ATP13A1: variants seen among roughly 807,000 people sequenced by gnomAD.
ATP13A1 encodes the protein ATPase 13A1.
A neutral mutation model predicts 134.8 loss-of-function variants in ATP13A1; 55 were observed. That is an observed-to-expected ratio of 0.41 (90% CI 0.33 to 0.51). ATP13A1 has a LOEUF of 0.51. Among genes scored for constraint, ATP13A1 ranks in the 20% least tolerant of loss-of-function variants. The pLI, the probability that ATP13A1 is intolerant of heterozygous loss-of-function variation, is 0.29. For missense variants in ATP13A1, 1,389 were observed against 1,652.8 expected (o/e 0.84, Z 2.77); for synonymous variants, 775 against 725.1 (o/e 1.07, Z -1.10).
Position 19,663,354 on chromosome 19 carries a change from C to T in ATP13A1, c.313G>A (p.Ala105Thr). 6.3e-7 allele frequency: 1 copy of T among 1,592,118 alleles called. No homozygotes were observed. Among genetic ancestry groups the T allele is most frequent in the Non-Finnish European group, 8.5e-7 (1 of 1,170,602 alleles). Residue 105 changes from alanine to threonine, a missense_variant, in exon 1 of 26, where the codon GCC becomes ACC. Transcript: ENST00000357324. ...AGCGCGTGCGCGAGGCAGATGGTGG[C>T]AAGCACGAGCAGCGCAGCTTCGGGG... ...QIPEAALLVL[A>T]TICLAHALTV...
chr19:19,661,112 A>C (rs1313704575), intron 1 of ATP13A1, among the ~76,000 whole-genome samples: 7 of 151,662 alleles, frequency 4.6e-5, no homozygotes, highest in Non-Finnish European at 7.4e-5. Context: ...AAAAAACCCC[A>C]AAAAACAAAA....
intron 17 of ATP13A1, chr19:19,651,438 G>A (rs1281470411): frequency 2.6e-6 from 1 of 387,472 alleles, no homozygotes; most frequent in Non-Finnish European, 4.7e-6. Flanking sequence ...CAGGAAACCC[G>A]AGCTGGCAGT....
At position 19,655,667 on chromosome 19, in the gene ATP13A1, A is replaced by C. The variant is rs1369370775; in HGVS notation, c.1270-13T>G. 1.2e-6 allele frequency: 2 copies of C among 1,610,738 alleles called. No individual in the cohort carries two copies. The highest frequency in any genetic ancestry group is 1.7e-6 in the Non-Finnish European group (2 of 1,178,590). On this transcript the variant is annotated splice_polypyrimidine_tract_variant and intron_variant, in intron 9 of 25. Transcript: ENST00000357324. The surrounding 1 kb of genome is among the most constrained non-coding windows in gnomAD (Gnocchi z 5.7). ...GCAGCAGCTTGCCCTGGAGGAATGG[A>C]GGAACAGCCTTTCTGCTGTCTGGAC... is the stretch of plus-strand genomic sequence containing the variant.
At chr19:19,654,990 G>A in intron 12 of ATP13A1, 129 bp downstream of exon 12, 2 of 1,417,522 alleles carry the variant, frequency 1.4e-6, no homozygotes, top group Non-Finnish European at 1.9e-6. Flanking sequence ...GGAGCCCCTG[G>A]AAATGAACCC....
At chr19:19,659,305 A>G (rs1599437713) in intron 3 of ATP13A1, among the ~76,000 whole-genome samples, 1 of 151,932 alleles carries the variant, frequency 6.6e-6, no homozygotes, top group Admixed American at 6.6e-5. Flanking sequence ...AAAATACAAA[A>G]ATTAGCCAGG....
intron 22 of ATP13A1, chr19:19,646,661 T>C: frequency 2.4e-6 from 1 of 420,486 alleles, no homozygotes; most frequent in South Asian, 3.0e-5. Context: ...CCAGCCAATC[T>C]CCCACCCCCT....
chr19:19,654,354 A>G (rs1284158655), intron 13 of ATP13A1, among the ~76,000 whole-genome samples, 189 bp downstream of exon 13: 1 of 152,146 alleles, frequency 6.6e-6, no homozygotes, highest in African/African-American at 2.4e-5. Flanking sequence ...GGCAGATTCC[A>G]ACCCAGAGGG....
Position 19,649,119 on chromosome 19 carries a change from C to CA in ATP13A1, c.2632+447dup, listed in dbSNP as rs971536923. ...CCTGGGTGACAGAGCAAGGCTCCGT[C>CA]AAAAAAAAAAAAGACAGGGTCTTGC... On this transcript the variant is annotated intron_variant, in intron 19 of 25. Transcript: ENST00000357324. 1.6e-3 allele frequency among the ~76,000 whole-genome samples: 224 copies of CA among 136,992 alleles called. 2 individuals carry two copies. The highest frequency in any genetic ancestry group is 5.3e-3 in the East Asian group (24 of 4,496). The allele number at this position is 136,992 out of a possible 152,430, so 89.9% of individuals were successfully genotyped here.
intron 22 of ATP13A1, chr19:19,646,730 T>C (rs2144895812): frequency 2.6e-6 from 1 of 377,490 alleles, no homozygotes; most frequent in Non-Finnish European, 4.9e-6. Context: ...TGTGTCCAGT[T>C]CCTGGCCGCT....
rs1259437151 is a variant in ATP13A1, at chr19:19,657,277, T to C, written c.750+59A>G. ...GTTTAGAAGTGGTGGGCAGGCTTGA[T>C]CCGGTTAGGAAAGCCCCAAGGGAGG... On this transcript the variant is annotated intron_variant, in intron 4 of 25. Coordinates refer to ENST00000357324, the MANE Select transcript of ATP13A1 (RefSeq NM_020410.3). The C allele has an allele frequency of 4.6e-6, 7 of 1,525,412 alleles. No homozygotes were observed. In the African/African-American group the frequency reaches 5.5e-5, roughly 12 times the overall value. The allele number at this position is 1,525,412 out of a possible 1,614,324, so 94.5% of individuals were successfully genotyped here. A position where few individuals can be genotyped will look rare whatever the true frequency, so the allele number is the denominator to read the frequency against.
intron 19 of ATP13A1, among the ~76,000 whole-genome samples, chr19:19,648,040 C>T (rs536128733): frequency 1.2e-4 from 18 of 152,254 alleles, no homozygotes; most frequent in South Asian, 2.1e-4. Flanking sequence ...TGATTTTGGC[C>T]GAGCGCAGTG....
chr19:19,645,620 C>T lies in ATP13A1; in HGVS notation c.3504+27G>A, dbSNP rs779659570. Reference sequence around the variant, plus strand: ...AGGAGGGACCCATCAAGCTGAGCCCCAGGGTCACCTCCACAGGGCCACTGA... The same window carrying T: ...AGGAGGGACCCATCAAGCTGAGCCCTAGGGTCACCTCCACAGGGCCACTGA... On this transcript the variant is annotated intron_variant, in intron 25 of 25. Transcript: ENST00000357324. The surrounding 1 kb of genome is among the most constrained non-coding windows in gnomAD (Gnocchi z 4.1). The T allele has an allele frequency of 1.9e-6, 3 of 1,562,512 alleles. No homozygotes were observed. The highest frequency in any genetic ancestry group is 2.6e-6 in the Non-Finnish European group (3 of 1,153,472).
chr19:19,648,066 C>G (rs937107565), intron 19 of ATP13A1, among the ~76,000 whole-genome samples: 2 of 152,190 alleles, frequency 1.3e-5, no homozygotes, highest in Non-Finnish European at 2.9e-5. Flanking sequence ...CACCTGTTAT[C>G]TCAGCACTTT....
intron 1 of ATP13A1, among the ~76,000 whole-genome samples, 163 bp from the exon 2 acceptor site, chr19:19,660,150 G>A (rs970010165): frequency 1.3e-5 from 2 of 152,162 alleles, no homozygotes; most frequent in Admixed American, 6.5e-5. Context: ...CAGGACAAAC[G>A]AGACCATCTT....
intron 22 of ATP13A1, chr19:19,646,787 AG>A (rs1454023825): frequency 2.6e-6 from 1 of 389,638 alleles, no homozygotes; most frequent in African/African-American, 2.0e-5. Flanking sequence ...GGTGTCGCAC[AG>A]GCCTCCCCAG....
At chr19:19,659,272 T>C (rs571693481) in intron 3 of ATP13A1, among the ~76,000 whole-genome samples, 13 of 152,036 alleles carry the variant, frequency 8.6e-5, no homozygotes, top group Non-Finnish European at 1.3e-4. Context: ...CTGGCCAACA[T>C]GGTGAAACCC....
At position 19,655,247 on chromosome 19, in the gene ATP13A1, C is replaced by T. The variant is rs201539793; in HGVS notation, c.1535-8G>A. 3.0e-4 allele frequency: 490 copies of T among 1,613,936 alleles called. No individual in the cohort carries two copies. Among genetic ancestry groups the T allele is most frequent in the South Asian group, 6.0e-4 (55 of 91,082 alleles). On this transcript the variant is annotated splice_region_variant and splice_polypyrimidine_tract_variant and intron_variant, in intron 11 of 25. Transcript: ENST00000357324. The surrounding 1 kb of genome is among the most constrained non-coding windows in gnomAD (Gnocchi z 5.7). ...GCTCTGTGCAGTACATGTCTAGGGGCGGGAGTGAGGTCAGGGGTCCTGCTT... is the reference window on the plus strand; with the variant it reads ...GCTCTGTGCAGTACATGTCTAGGGGTGGGAGTGAGGTCAGGGGTCCTGCTT...
chr19:19,662,962 C>T, intron 1 of ATP13A1: 1 of 518,630 alleles, frequency 1.9e-6, no homozygotes, highest in South Asian at 2.0e-5. Flanking sequence ...GTATAAACAA[C>T]TCCTACCTGA....
In ATP13A1 at chr19:19,657,418, AC is replaced by A; in HGVS notation, c.678-11del. 1 of 1,560,892 alleles carries A rather than the reference AC, an allele frequency of 6.4e-7. No homozygotes were observed. Among genetic ancestry groups the A allele is most frequent in the Admixed American group, 1.9e-5 (1 of 52,388 alleles). Reference sequence around the variant, plus strand: ...CACCACCATCTCGGCCCTGCAAGAGACCAGGCCCCATCCTGTTCCCAGGGCA... The same window carrying A: ...CACCACCATCTCGGCCCTGCAAGAGACAGGCCCCATCCTGTTCCCAGGGCA... On this transcript the variant is annotated splice_polypyrimidine_tract_variant and intron_variant, in intron 3 of 25. Coordinates refer to ENST00000357324, the MANE Select transcript of ATP13A1 (RefSeq NM_020410.3).
Sources: gnomAD v4.1 joint callset for allele counts (sites outside exome capture counted in the v4.1 genomes callset) on GRCh38, gnomAD v4.1.1 for gene constraint, Gnocchi (gnomAD v3.1) non-coding constraint, MANE v1.5 for transcripts, NCBI Gene and HGNC (gene_info 2026-07-23, HGNC 2026-07-21) for gene names.